The following GNB5 variants were observed in gnomAD, a reference collection of about 807,000 sequenced individuals.
GNB5 encodes the protein G protein subunit beta 5.
Under a neutral mutation model 55.3 loss-of-function variants are expected in GNB5, and 37 were observed. The ratio of observed to expected loss-of-function variants is 0.67; its 90% CI spans 0.51 to 0.88. The LOEUF (loss-of-function observed/expected upper bound fraction) is 0.88, where lower values mean the gene tolerates loss of function less well. Ranked by LOEUF, GNB5 falls within the 40% of genes least tolerant of loss-of-function variation. The pLI, the probability that GNB5 is intolerant of heterozygous loss-of-function variation, is 0.00. For synonymous variants in GNB5, 219 were observed against 198.5 expected, an observed-to-expected ratio of 1.10 and a Z score of -0.87; for missense variants, 476 against 515.3, an observed-to-expected ratio of 0.92 and a Z score of 0.74.
At chr15:52,140,623 G>A (rs564642327) in intron 7 of GNB5, among the ~76,000 whole-genome samples, 3 of 152,312 alleles carry the variant, frequency 2.0e-5, no homozygotes, top group South Asian at 2.1e-4. Context: ...TAAACGATGC[G>A]GTGCTTTCAC....
intron 3 of GNB5, among the ~76,000 whole-genome samples, chr15:52,178,851 A>T (rs535713941): frequency 6.3e-4 from 96 of 152,294 alleles, no homozygotes; most frequent in Non-Finnish European, 1.2e-3. Flanking sequence ...ATGGCAGGAG[A>T]ACAACGTCAA....
chr15:52,140,079 A>C, intron 7 of GNB5: 2 of 653,070 alleles, frequency 3.1e-6, no homozygotes, highest in Non-Finnish European at 4.2e-6. Flanking sequence ...AGGTGTAAAC[A>C]ACAGGGGCAC....
chr15:52,149,489 C>A (rs12438937), intron 5 of GNB5: 55 of 463,356 alleles, frequency 1.2e-4, no homozygotes, highest in African/African-American at 1.0e-3. Flanking sequence ...CCACCCTCCA[C>A]GTGTTCATTC....
chr15:52,157,216 G>A (rs866722499), intron 3 of GNB5, among the ~76,000 whole-genome samples: 8 of 150,164 alleles, frequency 5.3e-5, no homozygotes, highest in African/African-American at 9.8e-5. Flanking sequence ...GATTACAGGC[G>A]TGAGCCACGG....
At chr15:52,135,449 G>T (rs759452219) in intron 8 of GNB5, among the ~76,000 whole-genome samples, 164 bp downstream of exon 8, 28 of 152,176 alleles carry the variant, frequency 1.8e-4, no homozygotes, top group Non-Finnish European at 2.8e-4. Flanking sequence ...CCTGGAGCCA[G>T]TGCGGTCACT....
chr15:52,135,722 A>G lies in GNB5; in HGVS notation c.662T>C (p.Leu221Pro). 6.2e-7 allele frequency: 1 copy of G among 1,612,892 alleles called. No individual in the cohort carries two copies. Among genetic ancestry groups the G allele is most frequent in the Non-Finnish European group, 8.5e-7 (1 of 1,179,818 alleles). Reference sequence around the variant, plus strand: ...CAGCTGCCCGCTCTCCACGTCCCACAGGGCACATGTGCCATCGCCGCTCGC... The same window carrying G: ...CAGCTGCCCGCTCTCCACGTCCCACGGGGCACATGTGCCATCGCCGCTCGC... Reference protein sequence around the residue: ...LTASGDGTCALWDVESGQLLQ... With the variant: ...LTASGDGTCAPWDVESGQLLQ... The change falls in exon 8 of 13, where the codon CTG becomes CCG. Residue 221 changes from leucine to proline, a missense_variant. Physicochemically the swap from Leu to Pro is moderately conservative, Grantham distance 98. Coordinates refer to ENST00000261837, the MANE Select transcript of GNB5 (RefSeq NM_016194.4).
intron 7 of GNB5, chr15:52,136,890 T>C: frequency 2.3e-6 from 1 of 428,642 alleles, no homozygotes; most frequent in Non-Finnish European, 4.6e-6. Flanking sequence ...TGTTAAACCA[T>C]ATTGAGACCA....
chr15:52,145,517 C>T (rs896530395), intron 6 of GNB5, among the ~76,000 whole-genome samples: 23 of 151,898 alleles, frequency 1.5e-4, no homozygotes, highest in Admixed American at 6.6e-4. Flanking sequence ...TGGTGGTGCA[C>T]GCCTGTAGTC....
chr15:52,135,470 G>T (rs1055315023), intron 8 of GNB5, 143 bp downstream of exon 8: 2 of 751,086 alleles, frequency 2.7e-6, no homozygotes, highest in Admixed American at 4.8e-5. Context: ...GCAGGAGCTG[G>T]GGGTTTAGTG....
chr15:52,157,757 C>A (rs963970280), intron 3 of GNB5, among the ~76,000 whole-genome samples: 1 of 151,946 alleles, frequency 6.6e-6, no homozygotes, highest in Admixed American at 6.6e-5. Context: ...TTGAATAGAT[C>A]CCAACTATTA....
intron 6 of GNB5, among the ~76,000 whole-genome samples, chr15:52,145,116 T>C (rs1420625877): frequency 6.6e-6 from 1 of 152,024 alleles, no homozygotes; most frequent in East Asian, 1.9e-4. Context: ...CTAACTGGAG[T>C]TGGCTAAACT....
intron 3 of GNB5, among the ~76,000 whole-genome samples, chr15:52,174,375 C>A (rs776332163): frequency 6.6e-5 from 10 of 152,130 alleles, no homozygotes; most frequent in Non-Finnish European, 1.3e-4. Context: ...TGGAATCAAG[C>A]GAGGTAGTAC....
chr15:52,137,501 A>G, intron 7 of GNB5: 1 of 1,018,092 alleles, frequency 9.8e-7, no homozygotes, highest in Non-Finnish European at 1.2e-6. Flanking sequence ...TCTGGGCAGG[A>G]GAATGAGAAA....
chr15:52,182,388 C>A (rs1391067816), intron 2 of GNB5, among the ~76,000 whole-genome samples: 2 of 152,188 alleles, frequency 1.3e-5, no homozygotes, highest in Non-Finnish European at 2.9e-5. Flanking sequence ...GTCCTCCTGG[C>A]TGTGAAGACC....
Position 52,147,482 on chromosome 15 carries a change from T to C in GNB5, c.471A>G (p.Pro157=), listed in dbSNP as rs190432484. 2.4e-5 allele frequency: 39 copies of C among 1,605,252 alleles called. No individual in the cohort carries two copies. The African/African-American group carries it at 4.0e-4, about 17-fold the overall frequency. The change falls in exon 6 of 13, where the codon CCA becomes CCG. Residue 157 remains proline, a synonymous_variant. Transcript: ENST00000261837. ...ACCCACAAGCAATGGCACATCCCGA[T>C]GGGGCATAAGCACATGCCATCACCC... is the stretch of plus-strand genomic sequence containing the variant. The part of the protein sequence containing the change: ...CTWVMACAYA[P]SGCAIACGGL...
chr15:52,175,488 C>T (rs1399905726), intron 3 of GNB5, among the ~76,000 whole-genome samples: 1 of 152,206 alleles, frequency 6.6e-6, no homozygotes, highest in African/African-American at 2.4e-5. Flanking sequence ...CCTGTAATCC[C>T]AGCACTTTGG....
chr15:52,130,575 C>T (rs2033549342), intron 9 of GNB5, among the ~76,000 whole-genome samples: 1 of 152,244 alleles, frequency 6.6e-6, no homozygotes, highest in Non-Finnish European at 1.5e-5. Flanking sequence ...TTCATAAATA[C>T]TTTAAAAAGT....
At chr15:52,154,955 A>C (rs906470379) in intron 3 of GNB5, among the ~76,000 whole-genome samples, 2 of 152,208 alleles carry the variant, frequency 1.3e-5, no homozygotes, top group African/African-American at 4.8e-5. Flanking sequence ...AGAGAAGCTG[A>C]GACTGATGAG....
chr15:52,151,649 AG>A (rs567318732), intron 4 of GNB5, among the ~76,000 whole-genome samples: 10 of 152,208 alleles, frequency 6.6e-5, no homozygotes, highest in Non-Finnish European at 1.5e-4. Context: ...GCCCTGCTGA[AG>A]GTCCTCCCTC....
Sources: gnomAD v4.1 joint callset for allele counts (sites outside exome capture counted in the v4.1 genomes callset) on GRCh38, gnomAD v4.1.1 for gene constraint, MANE v1.5 for transcripts, NCBI Gene and HGNC (gene_info 2026-07-23, HGNC 2026-07-21) for gene names.